PYCR1: variants seen among roughly 807,000 people sequenced by gnomAD.
PYCR1 encodes pyrroline-5-carboxylate reductase 1, mitochondrial.
A neutral mutation model predicts 22.9 loss-of-function variants in PYCR1; 19 were observed. The ratio of observed to expected loss-of-function variants is 0.83; its 90% CI spans 0.58 to 1.22. The LOEUF (loss-of-function observed/expected upper bound fraction) is 1.22. PYCR1 is among the 50% of genes most tolerant of loss of function. The probability of loss-of-function intolerance (pLI) is 0.00; values close to 1 mark genes in which losing one functional copy is unlikely to be tolerated. For synonymous variants in PYCR1, 175 were observed against 180.5 expected (o/e 0.97, Z 0.24); for missense variants, 429 against 431.3 (o/e 0.99, Z 0.05).
Position 81,937,071 on chromosome 17 carries a change from A to C in PYCR1, c.-257T>G. ...GGTCCCGCACCCACTGGAGGGGTGG[A>C]GGTTCCGCAGAAGAAATGACTGGGA... On this transcript the variant is annotated 5_prime_UTR_variant, in exon 1 of 7. Transcript: ENST00000329875. 1 of 1,429,478 alleles carries C rather than the reference A, an allele frequency of 7.0e-7. No homozygotes were observed. The highest frequency in any genetic ancestry group is 1.4e-5 in the African/African-American group (1 of 69,600). The allele number at this position is 1,429,478 out of a possible 1,614,324, so 88.5% of individuals were successfully genotyped here.
Position 81,933,137 on chromosome 17 carries a change from C to T in PYCR1, c.*77G>A, listed in dbSNP as rs1038355038. On this transcript the variant is annotated 3_prime_UTR_variant, in exon 7 of 7. Transcript: ENST00000329875. ...CTGATCAGAGCCACAGAAAGTGGGC[C>T]ACTTTGGGGACCCCCTAGTCCCCCT... is the stretch of plus-strand genomic sequence containing the variant. 7 of 1,606,982 alleles carry T rather than the reference C, an allele frequency of 4.4e-6. No homozygotes were observed. Among genetic ancestry groups the T allele is most frequent in the African/African-American group, 2.7e-5 (2 of 74,848 alleles).
At chr17:81,934,522 C>A in intron 5 of PYCR1, 33 bp from the exon 6 acceptor site, 4 of 1,569,568 alleles carry the variant, frequency 2.5e-6, no homozygotes, top group Non-Finnish European at 3.5e-6. Flanking sequence ...CGGCTGTGGG[C>A]ACGCACCTGC....
In PYCR1 at chr17:81,936,159, G is replaced by C; in HGVS notation, c.102C>G (p.Ser34=). The change falls in exon 2 of 7, where the codon TCC becomes TCG. Residue 34 remains serine, a synonymous_variant. Transcript: ENST00000329875. ...VLAAHKIMAS[S]PDMDLATVSA... ...AAACTGTGGCCAGGTCCATGTCTGG[G>C]GAGCTAGCCATTATCTTGTGGGCAG... 4 of 1,613,960 alleles carry C rather than the reference G, an allele frequency of 2.5e-6. No individual in the cohort carries two copies. Among genetic ancestry groups the C allele is most frequent in the Non-Finnish European group, 3.4e-6 (4 of 1,179,932 alleles).
At position 81,937,279 on chromosome 17, in the gene PYCR1, G is replaced by T; in HGVS notation, c.-465C>A. On this transcript the variant is annotated 5_prime_UTR_variant, in exon 1 of 7. Coordinates refer to ENST00000329875, the MANE Select transcript of PYCR1 (RefSeq NM_006907.4). ...GTACCCACCCCTCAGCGCTGCGGCC[G>T]CCACGCGGCACCCGCACCCAGGCCC... is the stretch of plus-strand genomic sequence containing the variant. 1 of 1,175,648 alleles carries T rather than the reference G, an allele frequency of 8.5e-7. No individual in the cohort carries two copies. Among genetic ancestry groups the T allele is most frequent in the Non-Finnish European group, 1.1e-6 (1 of 930,734 alleles). 72.8% of individuals were successfully genotyped at this position (1,175,648 alleles called of 1,614,324 possible). A position where few individuals can be genotyped will look rare whatever the true frequency, so the allele number is the denominator to read the frequency against.
Position 81,933,208 on chromosome 17 carries a change from G to T in PYCR1, c.*6C>A. ...TGGTGGCAGGATGGTGGTCAGGCAG[G>T]ACGTGTCAATCCTTGCCCGCTGGGG... On this transcript the variant is annotated 3_prime_UTR_variant, in exon 7 of 7. Transcript: ENST00000329875. 6.2e-7 allele frequency: 1 copy of T among 1,613,772 alleles called. No individual in the cohort carries two copies. Among genetic ancestry groups the T allele is most frequent in the Non-Finnish European group, 8.5e-7 (1 of 1,179,956 alleles).
intron 2 of PYCR1, 106 bp from the exon 3 acceptor site, chr17:81,935,622 GT>G: frequency 4.2e-6 from 4 of 949,536 alleles, no homozygotes; most frequent in East Asian, 3.2e-5. Context: ...GGAGTTGGGG[GT>G]GGGCAGGGCT....
In PYCR1 at chr17:81,936,871, G is replaced by C; in HGVS notation, c.-57C>G. The C allele has an allele frequency of 3.2e-6, 5 of 1,571,214 alleles. No individual in the cohort carries two copies. The highest frequency in any genetic ancestry group is 1.3e-5 in the African/African-American group (1 of 74,400). Reference sequence around the variant, plus strand: ...ACAGATGGCACCGGCTCTGCGGGACGAGACCGGCAGGATCGAGAGCAAGTT... The same window carrying C: ...ACAGATGGCACCGGCTCTGCGGGACCAGACCGGCAGGATCGAGAGCAAGTT... On this transcript the variant is annotated 5_prime_UTR_variant, in exon 1 of 7. Transcript: ENST00000329875.
At chr17:81,935,198 G>A (rs1378135971) in intron 3 of PYCR1, 51 bp from the exon 4 acceptor site, 23 of 1,570,250 alleles carry the variant, frequency 1.5e-5, no homozygotes, top group Non-Finnish European at 1.9e-5. Flanking sequence ...GTGCCTAGAT[G>A]CACTCACCCC....
chr17:81,933,503 T>TC, intron 6 of PYCR1, 127 bp from the exon 7 acceptor site: 3 of 1,174,902 alleles, frequency 2.6e-6, no homozygotes, highest in Non-Finnish European at 3.7e-6. Flanking sequence ...GCACCTTTAT[T>TC]CCCCTCTGCC....
In PYCR1 at chr17:81,932,865, C is replaced by G; in HGVS notation, c.*349G>C. ...TCTGCTGAGCCTTCACAGAGGGGGT[C>G]CTTGACCTTTGCTCTCAGGAAGGAG... On this transcript the variant is annotated 3_prime_UTR_variant, in exon 7 of 7. Transcript: ENST00000329875. 1 of 1,604,006 alleles carries G rather than the reference C, an allele frequency of 6.2e-7. No individual in the cohort carries two copies. The highest frequency in any genetic ancestry group is 1.1e-5 in the South Asian group (1 of 89,464).
chr17:81,934,956 G>T lies in PYCR1; in HGVS notation c.510C>A (p.Val170=). 1 of 1,609,540 alleles carries T rather than the reference G, an allele frequency of 6.2e-7. No homozygotes were observed. Among genetic ancestry groups the T allele is most frequent in the South Asian group, 1.1e-5 (1 of 91,008 alleles). The change falls in exon 4 of 7, where the codon GTC becomes GTA. Residue 170 remains valine (V), a synonymous_variant. Coordinates refer to ENST00000329875, the MANE Select transcript of PYCR1 (RefSeq NM_006907.4). ...CGGGGCCGCTGCCACTGAGCCCCGT[G>T]ACGGCATCAATCAGGTCCTCTTCCA... ...TEVEEDLIDA[V]TGLSGSGPAY...
chr17:81,933,258 T>A lies in PYCR1; in HGVS notation c.916A>T (p.Thr306Ser), dbSNP rs745470155. 1.9e-6 allele frequency: 3 copies of A among 1,613,998 alleles called. No homozygotes were observed. The highest frequency in any genetic ancestry group is 2.5e-6 in the Non-Finnish European group (3 of 1,179,996). Residue 306 changes from threonine to serine, a missense_variant, in exon 7 of 7, where the codon ACC becomes TCC. Transcript: ENST00000329875. ...GCCAGGCTGCGGGGGAGCAGCTTGG[T>A]GTGGCCAGAAGGTGACAGAGCGGTC... ...AGTALSPSGH[T>S]KLLPRSLAPA... is the part of the protein sequence containing the mutation.
At position 81,934,478 on chromosome 17, in the gene PYCR1, C is replaced by T; in HGVS notation, c.645G>A (p.Lys215=). Residue 215 remains lysine (K), a synonymous_variant, in exon 6 of 7, where the codon AAG becomes AAA. Coordinates refer to ENST00000329875, the MANE Select transcript of PYCR1 (RefSeq NM_006907.4). ...GGTGCTGTTCTGAGTGCAGCAGCATCTTGGCAGCCCCCTGCAGCCAGAAGA... is the reference window on the plus strand; with the variant it reads ...GGTGCTGTTCTGAGTGCAGCAGCATTTTGGCAGCCCCCTGCAGCCAGAAGA... ...LGAQALLGAA[K]MLLHSEQHPG... 6.2e-7 allele frequency: 1 copy of T among 1,604,874 alleles called. No homozygotes were observed.
Position 81,934,524 on chromosome 17 carries a change from C to T in PYCR1, c.634-35G>A, listed in dbSNP as rs377377312. ...GAAGAAAGGCTGACGGCTGTGGGCACGCACCTGCCTCTGCGGGGCACTGCC... is the reference window on the plus strand; with the variant it reads ...GAAGAAAGGCTGACGGCTGTGGGCATGCACCTGCCTCTGCGGGGCACTGCC... On this transcript the variant is annotated intron_variant, in intron 5 of 6. Transcript: ENST00000329875. The T allele has an allele frequency of 1.1e-4, 171 of 1,568,634 alleles. No individual in the cohort carries two copies. In the African/African-American group the frequency reaches 1.7e-3, roughly 15 times the overall value.
At chr17:81,936,674 C>G (rs992374892) in intron 1 of PYCR1, 74 bp downstream of exon 1, 30 of 1,502,668 alleles carry the variant, frequency 2.0e-5, no homozygotes, top group Non-Finnish European at 2.4e-5. Flanking sequence ...CCACCTTCAG[C>G]CCCCAGCCCT....
rs1423700246 is a variant in PYCR1, at chr17:81,935,499, C to G, written c.156G>C (p.Leu52Phe). 1 of 1,610,492 alleles carries G rather than the reference C, an allele frequency of 6.2e-7. No homozygotes were observed. The highest frequency in any genetic ancestry group is 1.1e-5 in the South Asian group (1 of 90,450). Residue 52 changes from leucine (L) to phenylalanine (F), a missense_variant, in exon 3 of 7, where the codon TTG becomes TTC. Coordinates refer to ENST00000329875, the MANE Select transcript of PYCR1 (RefSeq NM_006907.4). Reference sequence around the variant, plus strand: ...GCACCGTCTCCTTGTTGTGGGGTGTCAACTTCACCCCCATCTTCTGCAGGG... The same window carrying G: ...GCACCGTCTCCTTGTTGTGGGGTGTGAACTTCACCCCCATCTTCTGCAGGG... ...VSALRKMGVK[L>F]TPHNKETVQH...
At position 81,935,487 on chromosome 17, in the gene PYCR1, G is replaced by A. The variant is rs2041159964; in HGVS notation, c.168C>T (p.Asn56=). 6.2e-7 allele frequency: 1 copy of A among 1,611,920 alleles called. No individual in the cohort carries two copies. The highest frequency in any genetic ancestry group is 1.3e-5 in the African/African-American group (1 of 74,918). The change falls in exon 3 of 7, where the codon AAC becomes AAT. Residue 56 remains asparagine (N), a synonymous_variant. Transcript: ENST00000329875. ...CATCACTGTGCTGCACCGTCTCCTT[G>A]TTGTGGGGTGTCAACTTCACCCCCA... ...RKMGVKLTPH[N]KETVQHSDVL...
At chr17:81,936,561 C>T (rs2041200434) in intron 1 of PYCR1, among the ~76,000 whole-genome samples, 187 bp downstream of exon 1, 1 of 152,244 alleles carries the variant, frequency 6.6e-6, no homozygotes, top group Non-Finnish European at 1.5e-5. Context: ...TTTGGCTTCC[C>T]TCCCTCCCCA....
chr17:81,937,014 G>A lies in PYCR1; in HGVS notation c.-200C>T, dbSNP rs1197418120. ...CCCGTTAACTGCTTCGGGGCCCCCA[G>A]TCAGAGCGGCGGTGCCTGGCCTGCT... On this transcript the variant is annotated 5_prime_UTR_variant, in exon 1 of 7. Coordinates refer to ENST00000329875, the MANE Select transcript of PYCR1 (RefSeq NM_006907.4). 7 of 1,461,770 alleles carry A rather than the reference G, an allele frequency of 4.8e-6. No individual in the cohort carries two copies. Among genetic ancestry groups the A allele is most frequent in the Non-Finnish European group, 6.3e-6 (7 of 1,107,598 alleles). 90.5% of individuals were successfully genotyped at this position (1,461,770 alleles called of 1,614,324 possible). A position where few individuals can be genotyped will look rare whatever the true frequency, so the allele number is the denominator to read the frequency against.
Sources: allele counts gnomAD v4.1 joint callset (sites outside exome capture counted in the v4.1 genomes callset), GRCh38; gene constraint gnomAD v4.1.1; transcripts MANE v1.5; gene names NCBI Gene and HGNC (gene_info 2026-07-23, HGNC 2026-07-21).